PLSCR4: variants seen among roughly 807,000 people sequenced by gnomAD.
PLSCR4 encodes the protein Ca(2+)-dependent phospholipid scramblase 4.
In PLSCR4, 25 loss-of-function variants were observed where a neutral mutation model predicts 36.3. The ratio of observed to expected loss-of-function variants is 0.69; its 90% confidence interval spans 0.50 to 0.96. The LOEUF is 0.96. Ranked by LOEUF, PLSCR4 falls within the 40% of genes least tolerant of loss-of-function variation. The probability of loss-of-function intolerance (pLI) is 0.00; values close to 1 mark genes in which losing one functional copy is unlikely to be tolerated. For missense variants in PLSCR4, 408 were observed against 414.7 expected (o/e 0.98, Z 0.14); for synonymous variants, 122 against 132.9 (o/e 0.92, Z 0.56).
chr3:146,195,004 T>C (rs753708242), intron 8 of PLSCR4, 120 bp downstream of exon 8: 2 of 754,848 alleles, frequency 2.6e-6, no homozygotes, highest in Non-Finnish European at 4.2e-6. Context: ...ACCATGTAAC[T>C]AGTAAGTGGC....
intron 1 of PLSCR4, among the ~76,000 whole-genome samples, chr3:146,239,708 A>G (rs1302764771): frequency 6.6e-6 from 1 of 151,898 alleles, no homozygotes; most frequent in African/African-American, 2.4e-5. Flanking sequence ...ACACGGAGAA[A>G]CCCCACTTCT....
chr3:146,217,347 C>T lies in PLSCR4; in HGVS notation c.118+3468G>A, dbSNP rs540660382. ...GATGGGGAAAGGTTTTACAGGCAAA[C>T]GGACAAGAACAGGCAGGTGCATAGA... On this transcript the variant is annotated intron_variant, in intron 3 of 8. Transcript: ENST00000354952. Among the ~76,000 whole-genome samples, 20 of 152,282 alleles carry T rather than the reference C, an allele frequency of 1.3e-4. 2 individuals carry two copies. The South Asian group carries it at 2.9e-3, about 22-fold the overall frequency.
At chr3:146,236,107 T>A (rs1329971634) in intron 1 of PLSCR4, among the ~76,000 whole-genome samples, 2 of 152,018 alleles carry the variant, frequency 1.3e-5, no homozygotes, top group African/African-American at 4.8e-5. Flanking sequence ...AAAAAACCAT[T>A]TTCAGGGGAG....
At chr3:146,240,326 A>T (rs2036099333) in intron 1 of PLSCR4, among the ~76,000 whole-genome samples, 1 of 152,206 alleles carries the variant, frequency 6.6e-6, no homozygotes, top group South Asian at 2.1e-4. Flanking sequence ...TTAAGGCATT[A>T]AGGCCGGTCA....
chr3:146,201,018 A>C lies in PLSCR4; in HGVS notation c.397+17T>G, dbSNP rs1353997295. 6.6e-7 allele frequency: 1 copy of C among 1,518,354 alleles called. No individual in the cohort carries two copies. Among genetic ancestry groups the C allele is most frequent in the Non-Finnish European group, 8.9e-7 (1 of 1,120,934 alleles). The allele number at this position is 1,518,354 out of a possible 1,614,324, so 94.1% of individuals were successfully genotyped here. On this transcript the variant is annotated intron_variant, in intron 5 of 8. Transcript: ENST00000354952. ...TCTGATTAAAATACTGCTGAGCACT[A>C]CAAAAATTATACATACTTTCCAGAG...
intron 1 of PLSCR4, among the ~76,000 whole-genome samples, chr3:146,235,691 A>T (rs550130406): frequency 6.6e-5 from 10 of 152,300 alleles, no homozygotes; most frequent in South Asian, 4.1e-4. Flanking sequence ...GAAAAGAAGA[A>T]GATGAGGGAA....
At chr3:146,200,152 G>T (rs1187603379) in intron 5 of PLSCR4, 113 bp from the exon 6 acceptor site, 1 of 648,288 alleles carries the variant, frequency 1.5e-6, no homozygotes, top group Non-Finnish European at 2.7e-6. Context: ...TAAAGTTTCA[G>T]GTGAAATATG....
chr3:146,206,427 C>A, intron 4 of PLSCR4, 99 bp downstream of exon 4: 1 of 792,832 alleles, frequency 1.3e-6, no homozygotes, highest in Non-Finnish European at 2.1e-6. Flanking sequence ...TCATCACTGA[C>A]CCATCTCCTT....
chr3:146,224,650 G>C (rs1003488732), intron 1 of PLSCR4, among the ~76,000 whole-genome samples: 11 of 151,820 alleles, frequency 7.2e-5, no homozygotes, highest in African/African-American at 2.7e-4. Context: ...AACAGCAAAA[G>C]AAAAAAAGCT....
At chr3:146,226,193 T>C (rs2035468315) in intron 1 of PLSCR4, among the ~76,000 whole-genome samples, 1 of 152,246 alleles carries the variant, frequency 6.6e-6, no homozygotes, top group Admixed American at 6.5e-5. Context: ...ATTAAAATTC[T>C]ATTAGGGTGA....
intron 1 of PLSCR4, among the ~76,000 whole-genome samples, chr3:146,247,551 T>C (rs1369122883): frequency 6.6e-6 from 1 of 152,244 alleles, no homozygotes; most frequent in Non-Finnish European, 1.5e-5. Context: ...GTCTTCTTTA[T>C]ATGAAAGGTA....
chr3:146,221,599 C>G (rs1341376555), intron 2 of PLSCR4, among the ~76,000 whole-genome samples: 1 of 152,090 alleles, frequency 6.6e-6, no homozygotes, highest in African/African-American at 2.4e-5. Context: ...GCTGAGTTTC[C>G]TAAACAACCA....
intron 1 of PLSCR4, among the ~76,000 whole-genome samples, chr3:146,232,025 T>C (rs1279584775): frequency 6.6e-6 from 1 of 152,204 alleles, no homozygotes; most frequent in East Asian, 1.9e-4. Context: ...TTTGAGTTGA[T>C]TTTTGTATAT....
intron 1 of PLSCR4, among the ~76,000 whole-genome samples, chr3:146,248,489 G>GACACACAC (rs146267394): frequency 4.2e-4 from 63 of 149,466 alleles, no homozygotes; most frequent in African/African-American, 1.4e-3. Context: ...CACACACACA[G>GACACACAC]ACACACACAC....
intron 6 of PLSCR4, among the ~76,000 whole-genome samples, chr3:146,197,590 T>C (rs1426614649): frequency 6.6e-6 from 1 of 152,216 alleles, no homozygotes; most frequent in African/African-American, 2.4e-5. Flanking sequence ...TAAAGCCATT[T>C]TTTAAAAGTT....
intron 4 of PLSCR4, among the ~76,000 whole-genome samples, chr3:146,201,552 G>A (rs1345683348): frequency 6.6e-6 from 1 of 152,080 alleles, no homozygotes; most frequent in Non-Finnish European, 1.5e-5. Flanking sequence ...ACCTCACATG[G>A]AGTGTCCCCA....
chr3:146,205,233 C>T (rs749199702), intron 4 of PLSCR4, among the ~76,000 whole-genome samples: 5 of 151,966 alleles, frequency 3.3e-5, no homozygotes, highest in Non-Finnish European at 7.4e-5. Context: ...AAGTAGTCTC[C>T]CTCTTATCCT....
chr3:146,217,694 A>G (rs537725908), intron 3 of PLSCR4, among the ~76,000 whole-genome samples: 33 of 152,148 alleles, frequency 2.2e-4, no homozygotes, highest in Non-Finnish European at 4.4e-4. Flanking sequence ...CTGGCTTGGG[A>G]TCCTACAGGC....
chr3:146,210,994 G>C (rs1309855381), intron 3 of PLSCR4, among the ~76,000 whole-genome samples: 1 of 151,902 alleles, frequency 6.6e-6, no homozygotes, highest in African/African-American at 2.4e-5. Context: ...TGGACATTTA[G>C]GTTGCTTTCA....
Sources: allele counts gnomAD v4.1 joint callset (sites outside exome capture counted in the v4.1 genomes callset), GRCh38; gene constraint gnomAD v4.1.1; transcripts MANE v1.5; gene names NCBI Gene and HGNC (gene_info 2026-07-23, HGNC 2026-07-21).